Variants in EIF4G3 observed in about 807,000 individuals in gnomAD.
EIF4G3 encodes eIF-4-gamma 3.
In EIF4G3, 34 loss-of-function variants were observed where a neutral mutation model predicts 186.4. That is an observed-to-expected ratio of 0.18 (90% CI 0.14 to 0.24). EIF4G3 has a LOEUF of 0.24. Ranked by LOEUF, EIF4G3 falls within the 10% of genes least tolerant of loss-of-function variation. The pLI is 1.00. For missense variants in EIF4G3, 1,536 were observed against 1,948.5 expected (o/e 0.79, Z 3.99); for synonymous variants, 673 against 679.5 (o/e 0.99, Z 0.15).
intron 30 of EIF4G3, among the ~76,000 whole-genome samples, chr1:20,838,726 G>A (rs562686373): frequency 6.6e-6 from 1 of 152,176 alleles, no homozygotes; most frequent in Non-Finnish European, 1.5e-5. Flanking sequence ...TGTCACCTAG[G>A]CTGGAGTGCA....
At chr1:21,010,150 GAAAAC>G (rs1181268217) in intron 4 of EIF4G3, among the ~76,000 whole-genome samples, 1 of 152,030 alleles carries the variant, frequency 6.6e-6, no homozygotes, top group Non-Finnish European at 1.5e-5. Context: ...TTTTGTGGTA[GAAAAC>G]ATGTAACAAG....
chr1:21,150,719 G>A (rs1333189610), intron 2 of EIF4G3, among the ~76,000 whole-genome samples: 1 of 152,244 alleles, frequency 6.6e-6, no homozygotes, highest in East Asian at 1.9e-4. Context: ...GCTCAGGCCT[G>A]TAATCCCAGC....
chr1:21,014,134 A>G (rs569338183), intron 4 of EIF4G3, among the ~76,000 whole-genome samples: 1 of 152,300 alleles, frequency 6.6e-6, no homozygotes, highest in African/African-American at 2.4e-5. Context: ...ATGCCACTGC[A>G]CTCCAGCCTG....
chr1:20,873,762 G>A (rs1217632361), intron 20 of EIF4G3, among the ~76,000 whole-genome samples: 2 of 146,528 alleles, frequency 1.4e-5, no homozygotes, highest in Non-Finnish European at 3.0e-5. Flanking sequence ...TGCAGGATGT[G>A]CAGGTTTGTT....
At chr1:20,864,819 G>C (rs1351550514) in intron 21 of EIF4G3, 107 bp from the exon 22 acceptor site, 1 of 1,043,332 alleles carries the variant, frequency 9.6e-7, no homozygotes, top group African/African-American at 1.6e-5. Flanking sequence ...GATAGCAAGT[G>C]TAGAATCTAC....
chr1:21,003,143 C>T (rs1330929740), intron 4 of EIF4G3, among the ~76,000 whole-genome samples: 6 of 149,330 alleles, frequency 4.0e-5, no homozygotes, highest in Admixed American at 1.3e-4. Flanking sequence ...ACTACCGGCA[C>T]GCAGCACTGT....
At chr1:21,007,386 G>A (rs950779833) in intron 4 of EIF4G3, among the ~76,000 whole-genome samples, 5 of 151,466 alleles carry the variant, frequency 3.3e-5, no homozygotes, top group South Asian at 2.1e-4. Context: ...TGATAAAAGC[G>A]AAACTTCATC....
rs1031650476 is a variant in EIF4G3 at position 21,155,848 on chromosome 1, C to T, written c.-272+20327G>A. 2.4e-4 allele frequency among the ~76,000 whole-genome samples: 37 copies of T among 152,140 alleles called. 1 individual carries two copies. The highest frequency in any genetic ancestry group is 3.4e-3 in the Middle Eastern group (1 of 294). On this transcript the variant is annotated intron_variant, in intron 2 of 36. Transcript: ENST00000602326. ...ACTTGTAAAGAAACACACAAAAAGC[C>T]GGGTGCAGTGGCTCAGGCCTGTAAT... is the stretch of plus-strand genomic sequence containing the variant.
intron 2 of EIF4G3, among the ~76,000 whole-genome samples, chr1:21,129,810 T>C (rs529012158): frequency 6.6e-6 from 1 of 152,050 alleles, no homozygotes; most frequent in African/African-American, 2.4e-5. Context: ...TTTGCTACCA[T>C]TGGCAAGGGC....
rs750352717 is a variant in EIF4G3, at chr1:20,899,961, A to G, written c.1753-18T>C. ...GCTTTAAGCTAAATAATAAATGAACAAAGAGGTTACATTTTTTTCCACGGG... is the reference window on the plus strand; with the variant it reads ...GCTTTAAGCTAAATAATAAATGAACGAAGAGGTTACATTTTTTTCCACGGG... On this transcript the variant is annotated intron_variant, in intron 15 of 36. Transcript: ENST00000602326. The G allele has an allele frequency of 6.3e-6, 10 of 1,594,550 alleles. No homozygotes were observed. In the East Asian group the frequency reaches 2.2e-4, roughly 36 times the overall value.
chr1:21,042,364 A>G (rs1211605125), intron 4 of EIF4G3, among the ~76,000 whole-genome samples: 3 of 152,234 alleles, frequency 2.0e-5, no homozygotes, highest in Admixed American at 6.5e-5. Context: ...TGCTTTAAAT[A>G]TAACTAAGTT....
intron 12 of EIF4G3, among the ~76,000 whole-genome samples, chr1:20,958,864 A>C (rs111660097): frequency 0.015 from 2,217 of 152,302 alleles, 16 homozygotes; most frequent in Non-Finnish European, 0.022. Flanking sequence ...AATCTCTACA[A>C]GGAGAAATAC....
At chr1:21,135,449 C>A (rs557482050) in intron 2 of EIF4G3, among the ~76,000 whole-genome samples, 1 of 152,076 alleles carries the variant, frequency 6.6e-6, no homozygotes, top group Non-Finnish European at 1.5e-5. Flanking sequence ...TGCAATGAAC[C>A]GAGATCGTGG....
chr1:20,823,287 T>G (rs2062835219), intron 33 of EIF4G3, among the ~76,000 whole-genome samples: 1 of 152,174 alleles, frequency 6.6e-6, no homozygotes, highest in South Asian at 2.1e-4. Flanking sequence ...AGGTTAGATG[T>G]TCTCTCATTC....
chr1:20,942,218 T>G lies in EIF4G3; in HGVS notation c.936A>C (p.Ile312=). The change falls in exon 14 of 37, where the codon ATA becomes ATC. Residue 312 remains isoleucine, a synonymous_variant. Coordinates refer to ENST00000602326, the MANE Select transcript of EIF4G3 (RefSeq NM_001391906.1). ...GCAGAGGAAGCTCTGCTATGGATAC[T>G]ATTGCAGTAGTTTCAGATGTCTGGC... ...QEGQTSETTA[I]VSIAELPLPP... The G allele has an allele frequency of 6.2e-7, 1 of 1,614,202 alleles. No individual in the cohort carries two copies. The highest frequency in any genetic ancestry group is 1.1e-5 in the South Asian group (1 of 91,090).
At chr1:20,945,775 G>A (rs942381027) in intron 13 of EIF4G3, among the ~76,000 whole-genome samples, 9 of 152,152 alleles carry the variant, frequency 5.9e-5, no homozygotes, top group African/African-American at 2.2e-4. Flanking sequence ...GTGAGCCACT[G>A]CATCTGGCAA....
At position 21,071,873 on chromosome 1, in the gene EIF4G3, T is replaced by TAAGTTAAAGACAGAGAGAGAGAAGTA. The variant is rs1309217942; in HGVS notation, c.-196+17264_-196+17265insTACTTCTCTCTCTCTGTCTTTAACTT. 2.0e-5 allele frequency among the ~76,000 whole-genome samples: 3 copies of TAAGTTAAAGACAGAGAGAGAGAAGTA among 150,478 alleles called. No homozygotes were observed. The East Asian group carries it at 5.8e-4, about 29-fold the overall frequency. On this transcript the variant is annotated intron_variant, in intron 3 of 36. Transcript: ENST00000602326. ...AGCACTTAAACAGCTACTTCCCAAA[T>TAAGTTAAAGACAGAGAGAGAGAAGTA]GCTATTTTCCCAAATAAGTTAAAGA...
At chr1:20,981,896 A>T in intron 8 of EIF4G3, among the ~76,000 whole-genome samples, 1 of 152,188 alleles carries the variant, frequency 6.6e-6, no homozygotes, top group Non-Finnish European at 1.5e-5. Flanking sequence ...ACTGACTCTG[A>T]TAAAGAGTAA....
At chr1:20,926,200 T>C (rs1370287536) in intron 14 of EIF4G3, among the ~76,000 whole-genome samples, 1 of 152,196 alleles carries the variant, frequency 6.6e-6, no homozygotes, top group African/African-American at 2.4e-5. Flanking sequence ...TGAGTATAAA[T>C]TGTAGAGTTG....
Sources: gnomAD v4.1 joint callset for allele counts (sites outside exome capture counted in the v4.1 genomes callset) on GRCh38, gnomAD v4.1.1 for gene constraint, MANE v1.5 for transcripts, NCBI Gene and HGNC (gene_info 2026-07-23, HGNC 2026-07-21) for gene names.